Variants in PALD1 observed in about 807,000 individuals in gnomAD.
PALD1 encodes the protein phosphatase domain containing paladin 1.
PALD1 carries 57 observed loss-of-function variants against 96.0 expected under a neutral mutation model. The observed-to-expected ratio is 0.59, with a 90% CI of 0.48 to 0.74. PALD1 has a LOEUF of 0.74. PALD1 is among the 30% of genes least tolerant of loss of function. PALD1 has a pLI of 0.00. For synonymous variants in PALD1, 464 were observed against 473.6 expected (o/e 0.98, Z 0.26); for missense variants, 1,063 against 1,143.7 (o/e 0.93, Z 1.02).
At chr10:70,544,842 C>A (rs1040634171) in intron 17 of PALD1, among the ~76,000 whole-genome samples, 13 of 152,222 alleles carry the variant, frequency 8.5e-5, no homozygotes, top group African/African-American at 2.7e-4. Context: ...CCAGATCTGC[C>A]ACTAGTTCCT....
intron 18 of PALD1, among the ~76,000 whole-genome samples, chr10:70,548,464 T>C (rs1484206887): frequency 6.6e-6 from 1 of 152,192 alleles, no homozygotes; most frequent in Non-Finnish European, 1.5e-5. Flanking sequence ...TAGTGTGGGC[T>C]CTGGAGTTTT....
At chr10:70,506,308 T>C (rs1846389105) in intron 1 of PALD1, among the ~76,000 whole-genome samples, 1 of 152,104 alleles carries the variant, frequency 6.6e-6, no homozygotes, top group South Asian at 2.1e-4. Context: ...ACTCTAGCAG[T>C]TTCACCCCCT....
In PALD1 at chr10:70,568,092, C is replaced by T. The variant is rs978981772; in HGVS notation, c.*1359C>T. The T allele has an allele frequency of 6.6e-6, 1 of 152,130 alleles. No homozygotes were observed. Among genetic ancestry groups the T allele is most frequent in the African/African-American group, 2.4e-5 (1 of 41,410 alleles). The allele number at this position is 152,130 out of a possible 1,614,324, so 9.4% of individuals were successfully genotyped here. A position where few individuals can be genotyped will look rare whatever the true frequency, so the allele number is the denominator to read the frequency against. ...TATCCAGTATTGGAAAATATTTGAC[C>T]CCCTTGGCTGAATTCTTTTGCAGAA... On this transcript the variant is annotated 3_prime_UTR_variant, in exon 20 of 20. Transcript: ENST00000263563.
intron 11 of PALD1, 145 bp from the exon 12 acceptor site, chr10:70,538,135 C>A: frequency 9.0e-6 from 8 of 886,436 alleles, no homozygotes; most frequent in Admixed American, 2.4e-5. Context: ...CACCAGACGT[C>A]CAGGTCTTCT....
Position 70,529,958 on chromosome 10 carries a change from G to A in PALD1, c.358G>A (p.Ala120Thr), listed in dbSNP as rs750960787. The change falls in exon 4 of 20, where the codon GCC becomes ACC. Residue 120 changes from alanine (A) to threonine (T), a missense_variant. By Grantham distance (58) the Ala-to-Thr change is moderately conservative (BLOSUM62 0). Coordinates refer to ENST00000263563, the MANE Select transcript of PALD1 (RefSeq NM_014431.3). Reference protein sequence around the residue: ...DVLGTVGSCGAPNFRQVQGGL... With the variant: ...DVLGTVGSCGTPNFRQVQGGL... The stretch of plus-strand genomic sequence containing the variant: ...GCTGGGCACCGTGGGAAGCTGTGGG[G>A]CCCCCAACTTCCGGCAGGTGCAGGG... 2 of 1,613,366 alleles carry A rather than the reference G, an allele frequency of 1.2e-6. No individual in the cohort carries two copies. Among genetic ancestry groups the A allele is most frequent in the Admixed American group, 1.7e-5 (1 of 59,960 alleles).
At chr10:70,478,446 G>T (rs1023942652), upstream of PALD1, among the ~76,000 whole-genome samples, 1 of 152,212 alleles carries the variant, frequency 6.6e-6, no homozygotes, top group Middle Eastern at 3.2e-3. Context: ...CGCCCAGAGC[G>T]CTGCTGCCTC....
intron 2 of PALD1, among the ~76,000 whole-genome samples, chr10:70,527,977 G>A (rs985610990): frequency 2.0e-4 from 24 of 122,738 alleles, no homozygotes; most frequent in Non-Finnish European, 3.0e-4. Context: ...TTCCCTTCCC[G>A]TGTCCAAGTG....
At chr10:70,528,875 G>A (rs999880192) in intron 2 of PALD1, among the ~76,000 whole-genome samples, 5 of 152,190 alleles carry the variant, frequency 3.3e-5, no homozygotes, top group African/African-American at 1.2e-4. Flanking sequence ...CCAGGCAGAA[G>A]GGGAGAAGAC....
At chr10:70,533,784 G>A in intron 7 of PALD1, 138 bp from the exon 8 acceptor site, 1 of 726,008 alleles carries the variant, frequency 1.4e-6, no homozygotes, top group Non-Finnish European at 2.1e-6. Flanking sequence ...TGGCAGAAGA[G>A]GCCAAGACAC....
intron 1 of PALD1, among the ~76,000 whole-genome samples, chr10:70,524,413 T>C (rs1451295506): frequency 6.6e-6 from 1 of 152,134 alleles, no homozygotes; most frequent in East Asian, 1.9e-4. Context: ...CCTGAGCCAC[T>C]CCTTCCCCAT....
intron 18 of PALD1, 25 bp from the exon 19 acceptor site, chr10:70,564,339 G>A: frequency 1.2e-6 from 2 of 1,603,380 alleles, no homozygotes; most frequent in Non-Finnish European, 1.7e-6. Flanking sequence ...CCCCCACACT[G>A]ACCCCACCCT....
At chr10:70,564,886 C>A (rs1847813538) in intron 19 of PALD1, among the ~76,000 whole-genome samples, 1 of 152,248 alleles carries the variant, frequency 6.6e-6, no homozygotes, top group Non-Finnish European at 1.5e-5. Flanking sequence ...ACTTCATGCC[C>A]ACAATTGTGG....
In PALD1 at chr10:70,564,358, C is replaced by T; in HGVS notation, c.2263-6C>T. On this transcript the variant is annotated splice_region_variant and splice_polypyrimidine_tract_variant and intron_variant, in intron 18 of 19. Coordinates refer to ENST00000263563, the MANE Select transcript of PALD1 (RefSeq NM_014431.3). ...CACACTGACCCCACCCTGTCCTGTCCTCCAGGCGAAGGCAGCGAAAGAGGC... is the reference window on the plus strand; with the variant it reads ...CACACTGACCCCACCCTGTCCTGTCTTCCAGGCGAAGGCAGCGAAAGAGGC... 6.2e-7 allele frequency: 1 copy of T among 1,611,008 alleles called. No individual in the cohort carries two copies.
At chr10:70,560,236 A>T (rs983915689) in intron 18 of PALD1, among the ~76,000 whole-genome samples, 1 of 152,064 alleles carries the variant, frequency 6.6e-6, no homozygotes, top group African/African-American at 2.4e-5. Context: ...CCTGGAGGGA[A>T]CCCGACCAGG....
At chr10:70,461,614 A>G in the PALD1 span, among the ~76,000 whole-genome samples, 19 of 152,160 alleles carry the variant, frequency 1.2e-4, no homozygotes, top group Non-Finnish European at 2.4e-4. Flanking sequence ...GTAGATGGGT[A>G]CCCATAGCAG....
Position 70,540,991 on chromosome 10 carries a change from C to A in PALD1, c.1909-111C>A. The A allele has an allele frequency of 8.1e-7, 1 of 1,241,778 alleles. No homozygotes were observed. The highest frequency in any genetic ancestry group is 1.1e-6 in the Non-Finnish European group (1 of 896,234). The allele number at this position is 1,241,778 out of a possible 1,614,324, so 76.9% of individuals were successfully genotyped here. On this transcript the variant is annotated intron_variant, in intron 15 of 19. Coordinates refer to ENST00000263563, the MANE Select transcript of PALD1 (RefSeq NM_014431.3). This position sits in a 1 kb window ranked among gnomAD's most constrained non-coding sequence, Gnocchi z 4.2. ...TGTGTGTGCAAGCTTGGGAGCCTGA[C>A]AATTTCTGGCCCGAGGACAGTGGCT...
chr10:70,468,823 G>GC, the PALD1 span, among the ~76,000 whole-genome samples: 18 of 151,128 alleles, frequency 1.2e-4, 1 homozygote, highest in Middle Eastern at 0.01. Context: ...GGCAACCTCC[G>GC]CCCCCCAGGT....
chr10:70,514,807 C>T (rs751108182), intron 1 of PALD1, among the ~76,000 whole-genome samples: 29 of 152,002 alleles, frequency 1.9e-4, no homozygotes, highest in Admixed American at 1.3e-3. Flanking sequence ...GACACGGGGC[C>T]GGAGGAGCAT....
intron 2 of PALD1, among the ~76,000 whole-genome samples, chr10:70,528,840 C>T (rs1163880690): frequency 1.3e-5 from 2 of 152,190 alleles, no homozygotes; most frequent in African/African-American, 4.8e-5. Flanking sequence ...GATGTTCTAC[C>T]TCTGCCATCA....
Sources: allele counts gnomAD v4.1 joint callset (sites outside exome capture counted in the v4.1 genomes callset), GRCh38; gene constraint gnomAD v4.1.1; non-coding constraint Gnocchi (gnomAD v3.1); transcripts MANE v1.5; gene names NCBI Gene and HGNC (gene_info 2026-07-23, HGNC 2026-07-21).